The following NCAM2 variants were observed in gnomAD, a reference collection of about 807,000 sequenced individuals.
NCAM2 encodes neural cell adhesion molecule 2.
Under a neutral mutation model 98.1 loss-of-function variants are expected in NCAM2, and 30 were observed. The observed-to-expected ratio is 0.31, with a 90% CI of 0.23 to 0.41. NCAM2 has a LOEUF of 0.41. NCAM2 is among the 10% of genes least tolerant of loss of function. NCAM2 has a pLI of 1.00. For synonymous variants in NCAM2, 368 were observed against 342.4 expected, an observed-to-expected ratio of 1.07 and a Z score of -0.83; for missense variants, 867 against 1,005.8, an observed-to-expected ratio of 0.86 and a Z score of 1.87.
intron 9 of NCAM2, among the ~76,000 whole-genome samples, chr21:21,376,889 G>A (rs992088076): frequency 1.3e-5 from 2 of 151,640 alleles, no homozygotes; most frequent in African/African-American, 4.8e-5. Context: ...GATGTTTTGA[G>A]AATTATTTGA....
chr21:21,351,918 TTTA>T (rs2075352513), intron 8 of NCAM2, among the ~76,000 whole-genome samples: 2 of 152,098 alleles, frequency 1.3e-5, no homozygotes, highest in African/African-American at 2.4e-5. Context: ...GGCTAATTTT[TTTA>T]TTATTATTAC....
At chr21:21,183,315 G>A (rs2068538434) in intron 1 of NCAM2, among the ~76,000 whole-genome samples, 1 of 152,084 alleles carries the variant, frequency 6.6e-6, no homozygotes, top group South Asian at 2.1e-4. Flanking sequence ...GACTTCAGAA[G>A]CAACTCTCTT....
At chr21:21,002,459 GA>G (rs986783271) in intron 1 of NCAM2, among the ~76,000 whole-genome samples, 9 of 152,134 alleles carry the variant, frequency 5.9e-5, no homozygotes, top group African/African-American at 2.2e-4. Context: ...ATGAAACTGA[GA>G]AATGAGCTAC....
Position 21,542,695 on chromosome 21 carries a change from T to C in NCAM2, c.*4738T>C, listed in dbSNP as rs1343512966. Reference sequence around the variant, plus strand: ...TCTAGAAAGGCAAACTGAATTGCTATATTTGGAATAGCTAAGAAGGACCTG... The same window carrying C: ...TCTAGAAAGGCAAACTGAATTGCTACATTTGGAATAGCTAAGAAGGACCTG... On this transcript the variant is annotated 3_prime_UTR_variant, in exon 18 of 18. Coordinates refer to ENST00000400546, the MANE Select transcript of NCAM2 (RefSeq NM_004540.5). 6.6e-6 allele frequency: 1 copy of C among 151,822 alleles called. No homozygotes were observed. Among genetic ancestry groups the C allele is most frequent in the Non-Finnish European group, 1.5e-5 (1 of 67,838 alleles). 9.4% of individuals were successfully genotyped at this position (151,822 alleles called of 1,614,324 possible). A position where few individuals can be genotyped will look rare whatever the true frequency, so the allele number is the denominator to read the frequency against.
chr21:21,530,626 A>G (rs1043283868), intron 16 of NCAM2, among the ~76,000 whole-genome samples: 4 of 151,654 alleles, frequency 2.6e-5, no homozygotes, highest in Non-Finnish European at 4.4e-5. Flanking sequence ...AATTTATGTC[A>G]CATAGAAATG....
At chr21:21,453,264 AGAG>A (rs971755703) in intron 12 of NCAM2, among the ~76,000 whole-genome samples, 19 of 151,184 alleles carry the variant, frequency 1.3e-4, no homozygotes, top group African/African-American at 4.6e-4. Flanking sequence ...AATTTTATAA[AGAG>A]GAGTCAGCAG....
At chr21:21,131,695 A>G (rs2066939678) in intron 1 of NCAM2, among the ~76,000 whole-genome samples, 1 of 152,224 alleles carries the variant, frequency 6.6e-6, no homozygotes, top group Non-Finnish European at 1.5e-5. Context: ...ACAATTTTAT[A>G]TATAGCTATA....
At chr21:21,051,289 GT>G (rs2065103489) in intron 1 of NCAM2, among the ~76,000 whole-genome samples, 9 of 152,032 alleles carry the variant, frequency 5.9e-5, no homozygotes, top group African/African-American at 2.2e-4. Context: ...GTGTCATTGG[GT>G]TTCTGTTGCA....
Position 21,098,180 on chromosome 21 carries a change from A to T in NCAM2, c.55+99562A>T, listed in dbSNP as rs79029601. 4.5e-3 allele frequency among the ~76,000 whole-genome samples: 679 copies of T among 151,484 alleles called. 5 individuals carry two copies. The highest frequency in any genetic ancestry group is 0.032 in the East Asian group (164 of 5,076). ...ACTATTGTTAGTTAATTATTATTGG[A>T]TGAATACATTTATTTCATTTTGATA... On this transcript the variant is annotated intron_variant, in intron 1 of 17. Coordinates refer to ENST00000400546, the MANE Select transcript of NCAM2 (RefSeq NM_004540.5).
chr21:21,390,084 A>G (rs770368655), intron 9 of NCAM2, among the ~76,000 whole-genome samples: 7 of 152,048 alleles, frequency 4.6e-5, no homozygotes, highest in Non-Finnish European at 7.4e-5. Flanking sequence ...TCTTGACCTC[A>G]TGATCCACCC....
intron 1 of NCAM2, among the ~76,000 whole-genome samples, chr21:21,228,256 G>C (rs900960464): frequency 6.6e-5 from 10 of 151,380 alleles, no homozygotes; most frequent in African/African-American, 2.4e-4. Flanking sequence ...ATGCTAGAGG[G>C]GCTGTCAGAT....
intron 12 of NCAM2, among the ~76,000 whole-genome samples, chr21:21,459,210 C>T (rs1053859464): frequency 2.6e-5 from 4 of 151,646 alleles, no homozygotes; most frequent in Non-Finnish European, 4.4e-5. Flanking sequence ...TGTTCGCAAG[C>T]ATGTAGAGAA....
chr21:21,356,096 A>G (rs1201271744), intron 8 of NCAM2, among the ~76,000 whole-genome samples: 1 of 152,204 alleles, frequency 6.6e-6, no homozygotes, highest in Non-Finnish European at 1.5e-5. Flanking sequence ...TTTGCAGACT[A>G]AAGTACCAAT....
chr21:21,101,601 G>A (rs1335210010), intron 1 of NCAM2, among the ~76,000 whole-genome samples: 1 of 151,970 alleles, frequency 6.6e-6, no homozygotes, highest in Admixed American at 6.6e-5. Flanking sequence ...ACATGGCACA[G>A]TGGCCGTACA....
At chr21:21,174,546 A>G (rs1042798637) in intron 1 of NCAM2, among the ~76,000 whole-genome samples, 7 of 152,164 alleles carry the variant, frequency 4.6e-5, no homozygotes, top group African/African-American at 9.7e-5. Context: ...TGTCTAAGGG[A>G]TAATGAATTT....
rs553872053 is a variant in NCAM2, at chr21:21,311,489, C to T, written c.620-12894C>T. 5.3e-4 allele frequency among the ~76,000 whole-genome samples: 80 copies of T among 152,036 alleles called. 1 individual carries two copies. The highest frequency in any genetic ancestry group is 3.4e-3 in the Middle Eastern group (1 of 294). ...CTGAGTCGCTGGGACTACAGGCACC[C>T]GCCACCACGCCCAGCTAATTTTTTT... On this transcript the variant is annotated intron_variant, in intron 5 of 17. Transcript: ENST00000400546.
intron 1 of NCAM2, among the ~76,000 whole-genome samples, chr21:21,058,250 T>C (rs1048000143): frequency 6.6e-6 from 1 of 151,744 alleles, no homozygotes; most frequent in Non-Finnish European, 1.5e-5. Flanking sequence ...GCTCCCACTT[T>C]CACTTGATTA....
At chr21:21,007,466 C>T (rs996206123) in intron 1 of NCAM2, among the ~76,000 whole-genome samples, 4 of 152,162 alleles carry the variant, frequency 2.6e-5, no homozygotes, top group African/African-American at 7.2e-5. Flanking sequence ...ACCCTGAGGT[C>T]TGCTGGTTGC....
At chr21:21,431,693 G>A (rs1415450870) in intron 11 of NCAM2, among the ~76,000 whole-genome samples, 1 of 151,784 alleles carries the variant, frequency 6.6e-6, no homozygotes, top group African/African-American at 2.4e-5. Context: ...ATTTTCACAA[G>A]GCACCATTAT....
Sources: gnomAD v4.1 joint callset for allele counts (sites outside exome capture counted in the v4.1 genomes callset) on GRCh38, gnomAD v4.1.1 for gene constraint, MANE v1.5 for transcripts, NCBI Gene and HGNC (gene_info 2026-07-23, HGNC 2026-07-21) for gene names.